CTNNA2: variants seen among roughly 807,000 people sequenced by gnomAD.
CTNNA2 encodes catenin alpha-2.
A neutral mutation model predicts 101.0 loss-of-function variants in CTNNA2; 42 were observed. That is an observed-to-expected ratio of 0.42 (90% confidence interval 0.32 to 0.54). The LOEUF (loss-of-function observed/expected upper bound fraction) is 0.54. Ranked by LOEUF, CTNNA2 falls within the 20% of genes least tolerant of loss-of-function variation. CTNNA2 has a pLI of 0.14. For missense variants in CTNNA2, 871 were observed against 1,223.1 expected, an observed-to-expected ratio of 0.71 and a Z score of 4.29; for synonymous variants, 450 against 456.4, an observed-to-expected ratio of 0.99 and a Z score of 0.18.
intron 3 of CTNNA2, among the ~76,000 whole-genome samples, chr2:79,344,772 TCAA>T (rs1677216684): frequency 6.7e-6 from 1 of 148,464 alleles, no homozygotes; most frequent in Non-Finnish European, 1.5e-5. Context: ...GTGAAGTTGC[TCAA>T]CTTTTCTGAG....
chr2:80,436,441 T>TG (rs895093225), intron 9 of CTNNA2, among the ~76,000 whole-genome samples: 2 of 58,750 alleles, frequency 3.4e-5, no homozygotes, highest in African/African-American at 6.6e-5. Flanking sequence ...TGAGATGCTC[T>TG]GGGGGGTGGT....
chr2:79,358,671 T>G (rs1375536744), intron 3 of CTNNA2, among the ~76,000 whole-genome samples: 4 of 152,174 alleles, frequency 2.6e-5, no homozygotes, highest in Non-Finnish European at 4.4e-5. Flanking sequence ...AAGTATTTCT[T>G]TCAAGAAACC....
intron 3 of CTNNA2, among the ~76,000 whole-genome samples, chr2:79,337,059 T>A (rs1158555826): frequency 6.6e-6 from 1 of 152,214 alleles, no homozygotes; most frequent in Non-Finnish European, 1.5e-5. Flanking sequence ...TTTCAGTTAA[T>A]CATAATTTAT....
At chr2:80,196,488 C>T (rs1706843225) in intron 7 of CTNNA2, among the ~76,000 whole-genome samples, 1 of 152,198 alleles carries the variant, frequency 6.6e-6, no homozygotes, top group Non-Finnish European at 1.5e-5. Flanking sequence ...TCTCTTGGCA[C>T]TGCACAGATT....
chr2:79,520,344 T>A (rs1365488773), intron 1 of CTNNA2, among the ~76,000 whole-genome samples: 3 of 152,234 alleles, frequency 2.0e-5, no homozygotes, highest in African/African-American at 7.2e-5. Flanking sequence ...CATTTTTATA[T>A]TCCTTTTTGC....
intron 7 of CTNNA2, among the ~76,000 whole-genome samples, chr2:80,375,320 G>A (rs1422865738): frequency 2.0e-5 from 3 of 152,110 alleles, no homozygotes; most frequent in Non-Finnish European, 4.4e-5. Flanking sequence ...TCAGGATGAG[G>A]AAGAGAGGGG....
At chr2:79,395,969 A>AATGGCT (rs1423547939) in intron 4 of CTNNA2, among the ~76,000 whole-genome samples, 2 of 152,272 alleles carry the variant, frequency 1.3e-5, no homozygotes, top group African/African-American at 4.8e-5. Flanking sequence ...CATAGCCATT[A>AATGGCT]ATGTAACTGG....
intron 7 of CTNNA2, among the ~76,000 whole-genome samples, chr2:80,364,951 G>A (rs907848420): frequency 3.9e-5 from 6 of 152,108 alleles, no homozygotes; most frequent in African/African-American, 1.4e-4. Flanking sequence ...GGTTAAATGC[G>A]ATAGTAACAG....
chr2:79,513,594 T>A lies in CTNNA2; in HGVS notation c.-6+387T>A, dbSNP rs117372093. ...CAGGGGTTCCAGAAAATTGGGTGCA[T>A]ATACTGAGAGACACACTCTTAAACA... On this transcript the variant is annotated intron_variant, in intron 1 of 18. Transcript: ENST00000402739. 6.8e-4 allele frequency among the ~76,000 whole-genome samples: 104 copies of A among 152,224 alleles called. No homozygotes were observed. In the East Asian group the frequency reaches 0.019, roughly 27 times the overall value.
At chr2:79,381,580 G>C (rs1016323598) in intron 4 of CTNNA2, among the ~76,000 whole-genome samples, 5 of 152,154 alleles carry the variant, frequency 3.3e-5, no homozygotes, top group Non-Finnish European at 7.3e-5. Flanking sequence ...TCATGCATTG[G>C]TATAGATTTC....
chr2:80,255,381 T>C (rs1672066732), intron 7 of CTNNA2, among the ~76,000 whole-genome samples: 2 of 152,144 alleles, frequency 1.3e-5, no homozygotes, highest in Admixed American at 6.5e-5. Context: ...CACAGCTCAC[T>C]GCTGTTTCCT....
At chr2:79,413,851 AT>A (rs1386552303) in intron 4 of CTNNA2, among the ~76,000 whole-genome samples, 2 of 150,592 alleles carry the variant, frequency 1.3e-5, no homozygotes, top group African/African-American at 4.9e-5. Context: ...ACTATTGGCC[AT>A]TTGTATGTCT....
At chr2:79,718,789 G>A (rs970658442) in intron 2 of CTNNA2, among the ~76,000 whole-genome samples, 3 of 150,190 alleles carry the variant, frequency 2.0e-5, no homozygotes, top group Non-Finnish European at 4.4e-5. Context: ...GTTGGTAAAT[G>A]TACAGCAAAT....
intron 4 of CTNNA2, among the ~76,000 whole-genome samples, chr2:79,439,042 C>G (rs1212583271): frequency 1.3e-5 from 2 of 152,146 alleles, no homozygotes; most frequent in Non-Finnish European, 2.9e-5. Context: ...ACAGAAGCAT[C>G]ATAGGACCCA....
At chr2:79,401,413 A>T (rs1355161247) in intron 4 of CTNNA2, among the ~76,000 whole-genome samples, 2 of 151,738 alleles carry the variant, frequency 1.3e-5, no homozygotes, top group African/African-American at 2.4e-5. Flanking sequence ...TCAATTATGT[A>T]AAAGGGCTTA....
At chr2:80,318,757 G>A (rs75125550) in intron 7 of CTNNA2, among the ~76,000 whole-genome samples, 6,797 of 152,192 alleles carry the variant, frequency 0.045, 207 homozygotes, top group Middle Eastern at 0.078. Flanking sequence ...AATCAGATTG[G>A]ACCTTTTTTG....
chr2:80,051,698 C>T (rs1192264988), intron 7 of CTNNA2, among the ~76,000 whole-genome samples: 1 of 151,688 alleles, frequency 6.6e-6, no homozygotes, highest in African/African-American at 2.4e-5. Flanking sequence ...ACTCTTTTTC[C>T]CCCCCACAGA....
At chr2:80,576,108 A>G (rs1695016983) in intron 13 of CTNNA2, 1 of 152,144 alleles carries the variant, frequency 6.6e-6, no homozygotes, top group African/African-American at 2.4e-5. Context: ...ACATTTGACC[A>G]TACCTCCTTC....
intron 2 of CTNNA2, among the ~76,000 whole-genome samples, chr2:79,655,555 G>A (rs182470901): frequency 1.0e-3 from 158 of 152,142 alleles, no homozygotes; most frequent in African/African-American, 3.5e-3. Context: ...TTGGCTGGGC[G>A]TGGTGGCTCA....
Sources: allele counts gnomAD v4.1 joint callset (sites outside exome capture counted in the v4.1 genomes callset), GRCh38; gene constraint gnomAD v4.1.1; transcripts MANE v1.5; gene names NCBI Gene and HGNC (gene_info 2026-07-23, HGNC 2026-07-21).